PDCD11: variants seen among roughly 807,000 people sequenced by gnomAD.
The protein encoded by PDCD11 is programmed cell death 11.
PDCD11 carries 97 observed loss-of-function variants against 198.9 expected under a neutral mutation model. The observed-to-expected ratio is 0.49, with a 90% CI of 0.41 to 0.58. The LOEUF is 0.58. PDCD11 is among the 20% of genes least tolerant of loss of function. The probability of loss-of-function intolerance (pLI) is 0.00; values close to 1 mark genes in which losing one functional copy is unlikely to be tolerated. For missense variants in PDCD11, 2,102 were observed against 2,312.7 expected (o/e 0.91, Z 1.87); for synonymous variants, 893 against 918.0 (o/e 0.97, Z 0.49).
At chr10:103,413,069 GCTC>G in intron 8 of PDCD11, 44 bp from the exon 9 acceptor site, 1 of 1,455,152 alleles carries the variant, frequency 6.9e-7, no homozygotes. Context: ...GCTCTAGGGT[GCTC>G]CTGTGTGCCT....
chr10:103,401,799 G>A (rs369101382), intron 3 of PDCD11, among the ~76,000 whole-genome samples: 1 of 151,400 alleles, frequency 6.6e-6, no homozygotes, highest in Non-Finnish European at 1.5e-5. Flanking sequence ...GTGCCGTGGT[G>A]CCATCTCTGC....
chr10:103,437,865 C>G lies in PDCD11; in HGVS notation c.3846-150C>G, dbSNP rs542426160. 6.3e-6 allele frequency: 4 copies of G among 635,092 alleles called. No homozygotes were observed. The Admixed American group carries it at 1.0e-4, about 16-fold the overall frequency. The allele number at this position is 635,092 out of a possible 1,614,324, so 39.3% of individuals were successfully genotyped here. A position where few individuals can be genotyped will look rare whatever the true frequency, so the allele number is the denominator to read the frequency against. On this transcript the variant is annotated intron_variant, in intron 25 of 35. Transcript: ENST00000369797. ...ACGTGACTTGTCCAGAGTCCCTCAG[C>G]AGGTTTTCAACAGAATGAAGAAACA...
Position 103,443,220 on chromosome 10 carries a change from T to G in PDCD11, c.5011T>G (p.Tyr1671Asp), listed in dbSNP as rs767338666. Residue 1671 changes from tyrosine to aspartate, a missense_variant, in exon 33 of 36, where the codon TAC becomes GAC. Coordinates refer to ENST00000369797, the MANE Select transcript of PDCD11 (RefSeq NM_014976.2). ...GGCTCTGCTGAACCTGGAGAACATGTACGGCTCTCAGGAGTCCCTGACCAA... is the reference window on the plus strand; with the variant it reads ...GGCTCTGCTGAACCTGGAGAACATGGACGGCTCTCAGGAGTCCCTGACCAA... Reference protein sequence around the residue: ...WVALLNLENMYGSQESLTKVF... With the variant: ...WVALLNLENMDGSQESLTKVF... 6.2e-7 allele frequency: 1 copy of G among 1,610,794 alleles called. No individual in the cohort carries two copies. Among genetic ancestry groups the G allele is most frequent in the African/African-American group, 1.3e-5 (1 of 75,002 alleles).
chr10:103,397,296 C>T (rs1463309383), intron 1 of PDCD11, among the ~76,000 whole-genome samples: 2 of 147,490 alleles, frequency 1.4e-5, no homozygotes, highest in Non-Finnish European at 3.0e-5. Flanking sequence ...GCCTTCAATA[C>T]TGTCTCTCTT....
At chr10:103,438,432 T>C (rs2032241917) in intron 26 of PDCD11, among the ~76,000 whole-genome samples, 1 of 152,184 alleles carries the variant, frequency 6.6e-6, no homozygotes, top group Non-Finnish European at 1.5e-5. Context: ...TCAATGTTAA[T>C]GAGGCCAAGG....
At chr10:103,421,824 G>A (rs1256669488) in intron 17 of PDCD11, among the ~76,000 whole-genome samples, 21 of 150,872 alleles carry the variant, frequency 1.4e-4, no homozygotes, top group African/African-American at 4.4e-4. Flanking sequence ...AAAATTAGCC[G>A]GGCGCGGTGG....
At chr10:103,430,652 A>G (rs1055468530) in intron 21 of PDCD11, among the ~76,000 whole-genome samples, 1 of 140,098 alleles carries the variant, frequency 7.1e-6, no homozygotes. Flanking sequence ...TTTTTTTTTT[A>G]ATAGTGGCCA....
intron 32 of PDCD11, among the ~76,000 whole-genome samples, 156 bp downstream of exon 32, chr10:103,442,616 G>C (rs931988666): frequency 2.0e-5 from 3 of 152,138 alleles, no homozygotes; most frequent in South Asian, 4.1e-4. Context: ...CATAGCTGCG[G>C]CCATCTGTGA....
At chr10:103,441,146 G>C (rs1026398968) in intron 30 of PDCD11, among the ~76,000 whole-genome samples, 1 of 152,218 alleles carries the variant, frequency 6.6e-6, no homozygotes, top group African/African-American at 2.4e-5. Context: ...GATGAGAATA[G>C]TAATACCTGG....
At chr10:103,412,745 T>C (rs1298758355) in intron 8 of PDCD11, among the ~76,000 whole-genome samples, 1 of 152,232 alleles carries the variant, frequency 6.6e-6, no homozygotes, top group African/African-American at 2.4e-5. Flanking sequence ...ATTACAGGCG[T>C]GAGCCATGAT....
rs756677174 is a variant in PDCD11, at chr10:103,424,946, G to A, written c.2764-38G>A. On this transcript the variant is annotated intron_variant, in intron 19 of 35. Coordinates refer to ENST00000369797, the MANE Select transcript of PDCD11 (RefSeq NM_014976.2). The stretch of plus-strand genomic sequence containing the variant: ...GGCCATGAGTGAGTGACCATGCTGT[G>A]TAAGGAAAGCAGGGATGGTGGCTTT... 20 of 1,604,514 alleles carry A rather than the reference G, an allele frequency of 1.2e-5. 2 individuals carry two copies. In the South Asian group the frequency reaches 1.7e-4, roughly 13 times the overall value.
At chr10:103,431,535 T>G (rs889973845) in intron 21 of PDCD11, among the ~76,000 whole-genome samples, 1 of 151,648 alleles carries the variant, frequency 6.6e-6, no homozygotes, top group Non-Finnish European at 1.5e-5. Flanking sequence ...GAAGTTGCAG[T>G]GACCCGAGAT....
rs1290782201 is a variant in PDCD11 at position 103,421,268 on chromosome 10, A to AC, written c.2278-76dup. 7 of 1,112,520 alleles carry AC rather than the reference A, an allele frequency of 6.3e-6. No homozygotes were observed. In the East Asian group the frequency reaches 1.3e-4, roughly 20 times the overall value. 68.9% of individuals were successfully genotyped at this position (1,112,520 alleles called of 1,614,324 possible). A position where few individuals can be genotyped will look rare whatever the true frequency, so the allele number is the denominator to read the frequency against. On this transcript the variant is annotated intron_variant, in intron 16 of 35. Coordinates refer to ENST00000369797, the MANE Select transcript of PDCD11 (RefSeq NM_014976.2). ...AGGCCCCATTTCCCCCTACTCACGT[A>AC]CCCCTTTCCAGGAACATCAAGTGGG...
chr10:103,408,775 G>C (rs12219609), intron 7 of PDCD11, among the ~76,000 whole-genome samples: 60,708 of 151,966 alleles, frequency 0.4, 13,033 homozygotes, highest in South Asian at 0.64. Context: ...CCTGAGCTCA[G>C]GTGGTCCACC....
In PDCD11 at chr10:103,441,993, G is replaced by C. The variant is rs2032404142; in HGVS notation, c.4707+18G>C. ...AAGCCACGGTGCTGTATTTTGCAGG[G>C]CATGTCCTTTTTGCAGGGACCCCTT... On this transcript the variant is annotated intron_variant, in intron 31 of 35. Coordinates refer to ENST00000369797, the MANE Select transcript of PDCD11 (RefSeq NM_014976.2). 2 of 1,613,282 alleles carry C rather than the reference G, an allele frequency of 1.2e-6. No homozygotes were observed. Among genetic ancestry groups the C allele is most frequent in the African/African-American group, 2.7e-5 (2 of 74,902 alleles).
chr10:103,424,058 T>C (rs138068824), intron 19 of PDCD11, among the ~76,000 whole-genome samples: 1 of 152,180 alleles, frequency 6.6e-6, no homozygotes, highest in Non-Finnish European at 1.5e-5. Context: ...TCTTTGATTT[T>C]TAAGAGAAGG....
chr10:103,438,769 G>A lies in PDCD11; in HGVS notation c.3986G>A (p.Gly1329Asp). Residue 1329 changes from glycine (G) to aspartate (D), a missense_variant, in exon 27 of 36, where the codon GGC becomes GAC. By Grantham distance (94) the Gly-to-Asp change is moderately conservative. Transcript: ENST00000369797. ...QDIKEGQLLR[G>D]YVGSIQPHGV... Reference sequence around the variant, plus strand: ...ATTAAGGAAGGGCAGCTTCTGAGGGGCTATGTAGGGTCCATCCAGCCACAC... The same window carrying A: ...ATTAAGGAAGGGCAGCTTCTGAGGGACTATGTAGGGTCCATCCAGCCACAC... 6.2e-7 allele frequency: 1 copy of A among 1,614,128 alleles called. No individual in the cohort carries two copies. Among genetic ancestry groups the A allele is most frequent in the Non-Finnish European group, 8.5e-7 (1 of 1,180,014 alleles).
rs2030224190 is a variant in PDCD11 at position 103,403,219 on chromosome 10, C to T, written c.336C>T (p.Val112=). 1 of 1,614,154 alleles carries T rather than the reference C, an allele frequency of 6.2e-7. No individual in the cohort carries two copies. ...ATGGCCTCCAGGGCTTTGTGCAAGTCACTGAAATCTGTGATGCCTACACCA... is the reference window on the plus strand; with the variant it reads ...ATGGCCTCCAGGGCTTTGTGCAAGTTACTGAAATCTGTGATGCCTACACCA... The part of the protein sequence containing the change: ...LPNGLQGFVQ[V]TEICDAYTKK... The change falls in exon 4 of 36, where the codon GTC becomes GTT. Residue 112 remains valine (V), a synonymous_variant. Coordinates refer to ENST00000369797, the MANE Select transcript of PDCD11 (RefSeq NM_014976.2).
intron 19 of PDCD11, among the ~76,000 whole-genome samples, chr10:103,424,244 G>T (rs996861895): frequency 2.6e-5 from 4 of 152,166 alleles, no homozygotes; most frequent in Admixed American, 1.3e-4. Flanking sequence ...GAATGGGTTT[G>T]AGGGAAAAAT....
Sources: allele counts gnomAD v4.1 joint callset (sites outside exome capture counted in the v4.1 genomes callset), GRCh38; gene constraint gnomAD v4.1.1; transcripts MANE v1.5; gene names NCBI Gene and HGNC (gene_info 2026-07-23, HGNC 2026-07-21).